NME7: variants seen among roughly 807,000 people sequenced by gnomAD.
NME7 encodes the protein nucleoside diphosphate kinase 7.
NME7 carries 41 observed loss-of-function variants against 49.1 expected under a neutral mutation model. That is an observed-to-expected ratio of 0.83 (90% CI 0.65 to 1.08). The LOEUF is 1.08. Among genes scored for constraint, NME7 ranks in the 50% least tolerant of loss-of-function variants. The probability of loss-of-function intolerance (pLI) is 0.00; values close to 1 mark genes in which losing one functional copy is unlikely to be tolerated. For synonymous variants in NME7, 139 were observed against 150.6 expected (o/e 0.92, Z 0.56); for missense variants, 423 against 463.4 (o/e 0.91, Z 0.80).
At position 169,246,462 on chromosome 1, in the gene NME7, A is replaced by G. The variant is rs1346198683; in HGVS notation, c.755-8775T>C. On this transcript the variant is annotated intron_variant, in intron 7 of 11. Transcript: ENST00000367811. ...GTAGAAAGTAGCTTTTAAAAGACAG[A>G]TTTAATTCATCCAATAGATTTCTGA... Among the ~76,000 whole-genome samples the G allele has an allele frequency of 2.0e-5, 3 of 152,198 alleles. No homozygotes were observed. The East Asian group carries it at 5.8e-4, about 29-fold the overall frequency.
chr1:169,254,348 C>G (rs1164253348), intron 7 of NME7, among the ~76,000 whole-genome samples: 2 of 151,902 alleles, frequency 1.3e-5, no homozygotes, highest in African/African-American at 4.8e-5. Context: ...AGTTTATTTG[C>G]GTAGAGGTGT....
intron 11 of NME7, among the ~76,000 whole-genome samples, chr1:169,154,532 G>C (rs1262129586): frequency 2.0e-5 from 3 of 151,482 alleles, no homozygotes; most frequent in African/African-American, 7.3e-5. Context: ...CAGAGGCCAA[G>C]CACGGTGGCT....
chr1:169,218,736 A>G (rs1661051279), intron 10 of NME7, among the ~76,000 whole-genome samples: 1 of 147,644 alleles, frequency 6.8e-6, no homozygotes, highest in Non-Finnish European at 1.5e-5. Flanking sequence ...CTTCATCTAC[A>G]GTAGCCCTGG....
chr1:169,268,631 C>T (rs1264523047), intron 7 of NME7, among the ~76,000 whole-genome samples: 1 of 133,458 alleles, frequency 7.5e-6, no homozygotes, highest in Non-Finnish European at 1.8e-5. Context: ...AGATCATGTC[C>T]TTTATAGGAA....
chr1:169,362,546 A>T (rs1653697753), intron 1 of NME7, among the ~76,000 whole-genome samples: 2 of 152,138 alleles, frequency 1.3e-5, no homozygotes, highest in Non-Finnish European at 2.9e-5. Context: ...GTGATTCCAG[A>T]ATTTGGAAGC....
intron 1 of NME7, among the ~76,000 whole-genome samples, chr1:169,363,246 T>A (rs1242541052): frequency 2.6e-5 from 4 of 151,756 alleles, no homozygotes; most frequent in African/African-American, 9.7e-5. Context: ...TCAAAAAAAA[T>A]AAATAAATAA....
chr1:169,267,624 C>T (rs939185128), intron 7 of NME7, among the ~76,000 whole-genome samples: 1 of 133,012 alleles, frequency 7.5e-6, no homozygotes, highest in Admixed American at 7.4e-5. Flanking sequence ...CACACACCTA[C>T]AACCATCTGA....
intron 7 of NME7, 126 bp downstream of exon 7, chr1:169,287,177 T>C: frequency 1.3e-6 from 1 of 763,496 alleles, no homozygotes; most frequent in South Asian, 1.7e-5. Flanking sequence ...TTTACTCAAG[T>C]GCCTTCAAAG....
chr1:169,353,546 A>C (rs1571414653), intron 1 of NME7, among the ~76,000 whole-genome samples: 1 of 152,222 alleles, frequency 6.6e-6, no homozygotes, highest in Admixed American at 6.6e-5. Context: ...ATCATGGATA[A>C]ATTGGGGCAC....
intron 6 of NME7, among the ~76,000 whole-genome samples, chr1:169,294,787 C>T (rs746394669): frequency 7.9e-5 from 12 of 152,032 alleles, no homozygotes; most frequent in Non-Finnish European, 1.6e-4. Context: ...AAAATATAAA[C>T]GAATATGTTT....
chr1:169,152,231 G>A (rs186814424), intron 11 of NME7, among the ~76,000 whole-genome samples: 1 of 151,506 alleles, frequency 6.6e-6, no homozygotes, highest in Non-Finnish European at 1.5e-5. Flanking sequence ...AATTTAAAAA[G>A]ATAATAATAA....
At chr1:169,335,729 T>C (rs996888754) in intron 1 of NME7, among the ~76,000 whole-genome samples, 2 of 147,258 alleles carry the variant, frequency 1.4e-5, no homozygotes, top group South Asian at 2.1e-4. Context: ...AAATAAATAA[T>C]ATATATTTAA....
chr1:169,227,514 G>A (rs1037692657), intron 10 of NME7, among the ~76,000 whole-genome samples: 1 of 152,144 alleles, frequency 6.6e-6, no homozygotes, highest in African/African-American at 2.4e-5. Context: ...AGTTATTTCT[G>A]TAAGAAATAA....
chr1:169,277,895 C>T (rs1344655845), intron 7 of NME7, among the ~76,000 whole-genome samples: 1 of 138,024 alleles, frequency 7.2e-6, no homozygotes, highest in Admixed American at 7.4e-5. Context: ...GTGACAAAAT[C>T]TCTCAGCATT....
chr1:169,292,120 A>G (rs1476146726), intron 6 of NME7, among the ~76,000 whole-genome samples: 4 of 152,170 alleles, frequency 2.6e-5, no homozygotes, highest in Non-Finnish European at 4.4e-5. Context: ...ATAATGCTGG[A>G]AGAATATATG....
rs1055639188 is a variant in NME7 at position 169,187,202 on chromosome 1, C to T, written c.991-17648G>A. Reference sequence around the variant, plus strand: ...TATGTGGTCAATTTTAGAATAAGTGCGATGTGGGTGCTGAGAAGAATGATT... The same window carrying T: ...TATGTGGTCAATTTTAGAATAAGTGTGATGTGGGTGCTGAGAAGAATGATT... On this transcript the variant is annotated intron_variant, in intron 10 of 11. Coordinates refer to ENST00000367811, the MANE Select transcript of NME7 (RefSeq NM_013330.5). 4.0e-5 allele frequency among the ~76,000 whole-genome samples: 6 copies of T among 151,858 alleles called. No homozygotes were observed. In the East Asian group the frequency reaches 5.8e-4, roughly 15 times the overall value.
At chr1:169,136,830 G>C (rs1288072444) in intron 11 of NME7, among the ~76,000 whole-genome samples, 5 of 152,162 alleles carry the variant, frequency 3.3e-5, no homozygotes, top group Admixed American at 6.5e-5. Flanking sequence ...GCTTTGTGAA[G>C]CTTGTTATTC....
At chr1:169,137,132 A>G (rs1265690647) in intron 11 of NME7, among the ~76,000 whole-genome samples, 1 of 152,240 alleles carries the variant, frequency 6.6e-6, no homozygotes, top group African/African-American at 2.4e-5. Flanking sequence ...TTTTAAATAT[A>G]TCAGTGTATT....
intron 2 of NME7, 59 bp downstream of exon 2, chr1:169,324,334 G>T: frequency 2.0e-6 from 2 of 1,018,258 alleles, no homozygotes; most frequent in Non-Finnish European, 3.1e-6. Context: ...TATATAAAAG[G>T]CAATGGTTCC....
Sources: gnomAD v4.1 joint callset for allele counts (sites outside exome capture counted in the v4.1 genomes callset) on GRCh38, gnomAD v4.1.1 for gene constraint, MANE v1.5 for transcripts, NCBI Gene and HGNC (gene_info 2026-07-23, HGNC 2026-07-21) for gene names.